CHSY3: variants seen among roughly 807,000 people sequenced by gnomAD.
The protein encoded by CHSY3 is N-acetylgalactosaminyl-proteoglycan 3-beta-glucuronosyltransferase 3.
CHSY3 carries 35 observed loss-of-function variants against 67.2 expected under a neutral mutation model. The ratio of observed to expected loss-of-function variants is 0.52; its 90% confidence interval spans 0.40 to 0.69. The LOEUF is 0.69. CHSY3 is among the 30% of genes least tolerant of loss of function. CHSY3 has a pLI of 0.00. For synonymous variants in CHSY3, 474 were observed against 434.7 expected, an observed-to-expected ratio of 1.09 and a Z score of -1.12; for missense variants, 1,069 against 1,138.5, an observed-to-expected ratio of 0.94 and a Z score of 0.88.
chr5:130,124,860 A>G lies in CHSY3; in HGVS notation c.1087-59369A>G, dbSNP rs1768212008. Among the ~76,000 whole-genome samples, 7 of 152,216 alleles carry G rather than the reference A, an allele frequency of 4.6e-5. No individual in the cohort carries two copies. The South Asian group carries it at 1.4e-3, about 32-fold the overall frequency. ...ACTGAAAGTATAATAATAAAAAAAG[A>G]GTTAAAAAAATGCAGCTCTTCAAAT... is the stretch of plus-strand genomic sequence containing the variant. On this transcript the variant is annotated intron_variant, in intron 2 of 2. Transcript: ENST00000305031.
intron 2 of CHSY3, among the ~76,000 whole-genome samples, chr5:129,948,925 G>A (rs188889854): frequency 1.3e-5 from 2 of 152,170 alleles, no homozygotes; most frequent in Non-Finnish European, 2.9e-5. Flanking sequence ...GTTCTTTAAG[G>A]GTTCTCTATG....
At chr5:130,013,695 C>T (rs1266871157) in intron 2 of CHSY3, among the ~76,000 whole-genome samples, 1 of 152,178 alleles carries the variant, frequency 6.6e-6, no homozygotes, top group African/African-American at 2.4e-5. Flanking sequence ...GGGCCCTTGA[C>T]CTAGCCCATG....
intron 2 of CHSY3, among the ~76,000 whole-genome samples, chr5:130,127,012 C>A (rs558231889): frequency 9.1e-4 from 138 of 152,266 alleles, no homozygotes; most frequent in African/African-American, 3.2e-3. Context: ...CTTTCAGAGA[C>A]ATGAAAGATA....
intron 2 of CHSY3, among the ~76,000 whole-genome samples, chr5:130,085,958 A>C (rs541979034): frequency 0.011 from 1,728 of 152,112 alleles, 26 homozygotes; most frequent in African/African-American, 0.038. Context: ...AGTTTGATTG[A>C]ACTGTGGTCT....
chr5:130,041,902 T>C (rs1430955829), intron 2 of CHSY3, among the ~76,000 whole-genome samples: 1 of 152,060 alleles, frequency 6.6e-6, no homozygotes, highest in Non-Finnish European at 1.5e-5. Flanking sequence ...GTAACAATGG[T>C]TGAAGTAATA....
intron 2 of CHSY3, among the ~76,000 whole-genome samples, chr5:130,091,142 G>GCGCGCA (rs1766867617): frequency 1.1e-5 from 1 of 94,484 alleles, no homozygotes; most frequent in African/African-American, 4.6e-5. Context: ...ACACGCACAC[G>GCGCGCA]CGCGCACACA....
intron 2 of CHSY3, among the ~76,000 whole-genome samples, chr5:130,092,876 G>A (rs980785887): frequency 6.6e-6 from 1 of 152,158 alleles, no homozygotes; most frequent in African/African-American, 2.4e-5. Flanking sequence ...AGAAAGAGGA[G>A]TTGATCAACA....
chr5:129,954,401 A>C (rs911017655), intron 2 of CHSY3, among the ~76,000 whole-genome samples: 3 of 150,728 alleles, frequency 2.0e-5, no homozygotes, highest in Non-Finnish European at 4.4e-5. Flanking sequence ...TATAGTTTGA[A>C]GTCAGGTAGA....
intron 2 of CHSY3, chr5:130,001,897 C>T: frequency 1.1e-6 from 1 of 917,278 alleles, no homozygotes; most frequent in Non-Finnish European, 1.3e-6. Context: ...ATGGTGGAAG[C>T]TGAAACAGTC....
intron 2 of CHSY3, among the ~76,000 whole-genome samples, chr5:130,160,576 C>G (rs1189396232): frequency 6.6e-6 from 1 of 152,220 alleles, no homozygotes. Context: ...TTTGGAGATG[C>G]TTTCTGCATC....
At chr5:130,069,739 C>T (rs1420489568) in intron 2 of CHSY3, among the ~76,000 whole-genome samples, 1 of 151,928 alleles carries the variant, frequency 6.6e-6, no homozygotes, top group Non-Finnish European at 1.5e-5. Context: ...CCAGACTGTG[C>T]TCTAGATTCA....
rs557610685 is a variant in CHSY3 at position 130,087,790 on chromosome 5, G to A, written c.1087-96439G>A. The stretch of plus-strand genomic sequence containing the variant: ...TCAATATCATGAAAATGGCCATACC[G>A]CCCAAGGTAATTTATAGATTCAATG... On this transcript the variant is annotated intron_variant, in intron 2 of 2. Transcript: ENST00000305031. Among the ~76,000 whole-genome samples the A allele has an allele frequency of 6.6e-5, 10 of 151,454 alleles. No homozygotes were observed. In the East Asian group the frequency reaches 1.8e-3, roughly 27 times the overall value.
At chr5:130,000,417 A>G (rs1286675153) in intron 2 of CHSY3, among the ~76,000 whole-genome samples, 2 of 152,218 alleles carry the variant, frequency 1.3e-5, no homozygotes, top group African/African-American at 4.8e-5. Flanking sequence ...TTTAAACTTT[A>G]TAAAAAATAT....
At chr5:130,102,646 G>C (rs1767284686) in intron 2 of CHSY3, among the ~76,000 whole-genome samples, 1 of 151,978 alleles carries the variant, frequency 6.6e-6, no homozygotes, top group Non-Finnish European at 1.5e-5. Context: ...CATCTGCTAG[G>C]TATAAGAGCA....
intron 2 of CHSY3, among the ~76,000 whole-genome samples, chr5:130,164,638 G>A (rs185938394): frequency 1.3e-3 from 199 of 152,218 alleles, no homozygotes; most frequent in African/African-American, 4.7e-3. Context: ...GGCATGTGAT[G>A]TGCATTGAGT....
chr5:130,143,245 G>A (rs1246734528), intron 2 of CHSY3, among the ~76,000 whole-genome samples: 2 of 152,044 alleles, frequency 1.3e-5, no homozygotes, highest in Non-Finnish European at 2.9e-5. Context: ...AGTAGTTTGA[G>A]TTCATCATTT....
At chr5:130,137,597 A>G (rs916831711) in intron 2 of CHSY3, among the ~76,000 whole-genome samples, 2 of 152,048 alleles carry the variant, frequency 1.3e-5, no homozygotes, top group African/African-American at 2.4e-5. Flanking sequence ...TAAAACATAT[A>G]CTCTCATTTA....
At chr5:130,150,130 A>T (rs1339225973) in intron 2 of CHSY3, among the ~76,000 whole-genome samples, 1 of 152,166 alleles carries the variant, frequency 6.6e-6, no homozygotes, top group African/African-American at 2.4e-5. Flanking sequence ...CAAAGAATGA[A>T]AAATTATTAG....
intron 2 of CHSY3, among the ~76,000 whole-genome samples, chr5:129,916,505 A>G (rs1158932400): frequency 6.6e-6 from 1 of 152,268 alleles, no homozygotes; most frequent in Admixed American, 6.5e-5. Context: ...TCATGTAAAA[A>G]TTAAAAAATG....
Sources: allele counts gnomAD v4.1 joint callset (sites outside exome capture counted in the v4.1 genomes callset), GRCh38; gene constraint gnomAD v4.1.1; transcripts MANE v1.5; gene names NCBI Gene and HGNC (gene_info 2026-07-23, HGNC 2026-07-21).